The following ADARB2 variants were observed in gnomAD, a reference collection of about 807,000 sequenced individuals.
ADARB2 encodes the protein adenosine deaminase RNA specific B2 (inactive).
A neutral mutation model predicts 62.2 loss-of-function variants in ADARB2; 25 were observed. The ratio of observed to expected loss-of-function variants is 0.40; its 90% CI spans 0.29 to 0.56. The LOEUF is 0.56. Among genes scored for constraint, ADARB2 ranks in the 20% least tolerant of loss-of-function variants. The probability of loss-of-function intolerance (pLI) is 0.43; values close to 1 mark genes in which losing one functional copy is unlikely to be tolerated. For synonymous variants in ADARB2, 572 were observed against 500.8 expected (o/e 1.14, Z -1.90); for missense variants, 1,071 against 1,077.4 (o/e 0.99, Z 0.08).
intron 1 of ADARB2, chr10:1,556,888 G>C: frequency 5.8e-6 from 3 of 514,484 alleles, no homozygotes; most frequent in Non-Finnish European, 1.2e-5. Flanking sequence ...ACCTGAATGA[G>C]GCCTCTTTTG....
chr10:1,189,308 CT>C (rs2131736037), intron 8 of ADARB2, among the ~76,000 whole-genome samples: 1 of 152,166 alleles, frequency 6.6e-6, no homozygotes. Context: ...CATGCAGAGC[CT>C]TCTGGGAGCT....
intron 6 of ADARB2, among the ~76,000 whole-genome samples, chr10:1,224,988 G>C (rs1480031051): frequency 6.6e-6 from 1 of 152,140 alleles, no homozygotes; most frequent in Non-Finnish European, 1.5e-5. Flanking sequence ...TTTCTGTCTT[G>C]TTGATCTGTC....
intron 1 of ADARB2, among the ~76,000 whole-genome samples, chr10:1,472,925 C>T (rs184966964): frequency 2.4e-4 from 36 of 152,092 alleles, no homozygotes; most frequent in Middle Eastern, 6.8e-3. Flanking sequence ...TGGTCACAGC[C>T]GGCACCAGGA....
At chr10:1,430,933 C>T in intron 1 of ADARB2, among the ~76,000 whole-genome samples, 1 of 152,090 alleles carries the variant, frequency 6.6e-6, no homozygotes, top group East Asian at 1.9e-4. Flanking sequence ...AGTGACAGAC[C>T]TGAAATGAGA....
At chr10:1,625,891 T>TCACGCCTCTGCCTGACCGCCCCACTTCG (rs1833759698) in intron 1 of ADARB2, among the ~76,000 whole-genome samples, 1 of 152,214 alleles carries the variant, frequency 6.6e-6, no homozygotes, top group Admixed American at 6.5e-5. Flanking sequence ...GCCCCACTTC[T>TCACGCCTCTGCCTGACCGCCCCACTTCG]CACGCCTCTG....
At chr10:1,233,452 A>G (rs1036079131) in intron 6 of ADARB2, among the ~76,000 whole-genome samples, 4 of 152,194 alleles carry the variant, frequency 2.6e-5, no homozygotes, top group African/African-American at 9.7e-5. Context: ...AAAGCAGAGA[A>G]CTATGGCAAT....
intron 3 of ADARB2, among the ~76,000 whole-genome samples, chr10:1,316,858 G>A (rs557292148): frequency 6.6e-6 from 1 of 152,156 alleles, no homozygotes; most frequent in African/African-American, 2.4e-5. Context: ...TTGTTTTTCC[G>A]CGAATGAGTA....
Position 1,234,145 on chromosome 10 carries a change from C to T in ADARB2, c.1362-300G>A, listed in dbSNP as rs1356803638. Among the ~76,000 whole-genome samples, 5 of 150,128 alleles carry T rather than the reference C, an allele frequency of 3.3e-5. No homozygotes were observed. The South Asian group carries it at 6.4e-4, about 19-fold the overall frequency. ...CTGGGATTACAGGCATGCGCCACCA[C>T]GCCTAGTTCATTTTTGTATTTTTAG... On this transcript the variant is annotated intron_variant, in intron 5 of 9. Transcript: ENST00000381312.
intron 1 of ADARB2, among the ~76,000 whole-genome samples, chr10:1,626,629 A>T (rs1427222202): frequency 6.6e-6 from 1 of 152,166 alleles, no homozygotes; most frequent in East Asian, 1.9e-4. Flanking sequence ...GCCTGTCCTC[A>T]GTGATATTTC....
At chr10:1,514,592 G>T (rs1242935827) in intron 1 of ADARB2, among the ~76,000 whole-genome samples, 1 of 152,054 alleles carries the variant, frequency 6.6e-6, no homozygotes, top group Non-Finnish European at 1.5e-5. Flanking sequence ...CCTGCACAGC[G>T]GCCCCTGGCC....
chr10:1,655,698 C>T (rs956350511), intron 1 of ADARB2, among the ~76,000 whole-genome samples: 10 of 151,984 alleles, frequency 6.6e-5, no homozygotes, highest in Non-Finnish European at 1.3e-4. Context: ...ACTGGAAATG[C>T]CTTTTTATTA....
intron 1 of ADARB2, chr10:1,675,922 G>T: frequency 2.3e-6 from 2 of 871,046 alleles, no homozygotes; most frequent in Non-Finnish European, 2.8e-6. Flanking sequence ...GGTCCGCGTG[G>T]GTCAGAGTTG....
intron 1 of ADARB2, among the ~76,000 whole-genome samples, chr10:1,626,787 G>A (rs998361557): frequency 6.6e-6 from 1 of 152,138 alleles, no homozygotes; most frequent in African/African-American, 2.4e-5. Context: ...GAAGTGGCCC[G>A]ATTGTTACAT....
At chr10:1,264,428 C>T (rs116570515) in intron 4 of ADARB2, among the ~76,000 whole-genome samples, 1 of 152,186 alleles carries the variant, frequency 6.6e-6, no homozygotes, top group African/African-American at 2.4e-5. Flanking sequence ...TACACAGATG[C>T]TCTTTGTATG....
chr10:1,378,542 C>A (rs1832454271), intron 2 of ADARB2, among the ~76,000 whole-genome samples: 1 of 152,098 alleles, frequency 6.6e-6, no homozygotes, highest in East Asian at 1.9e-4. Flanking sequence ...GATGGGACTG[C>A]AGGTGCGGGT....
chr10:1,336,505 G>A (rs1305952739), intron 3 of ADARB2, among the ~76,000 whole-genome samples: 1 of 152,122 alleles, frequency 6.6e-6, no homozygotes, highest in Non-Finnish European at 1.5e-5. Flanking sequence ...TTACAGTTAG[G>A]CAGATCATCC....
intron 3 of ADARB2, among the ~76,000 whole-genome samples, chr10:1,356,087 G>A (rs1832192550): frequency 6.6e-6 from 1 of 152,092 alleles, no homozygotes; most frequent in Non-Finnish European, 1.5e-5. Context: ...TAATGACAAT[G>A]AGTGACCTCT....
intron 3 of ADARB2, among the ~76,000 whole-genome samples, chr10:1,349,904 C>A (rs894508730): frequency 6.6e-6 from 1 of 152,136 alleles, no homozygotes. Context: ...ATTGTGGGGA[C>A]GCCTGCCTTG....
chr10:1,390,642 G>A (rs1039038089), intron 1 of ADARB2, among the ~76,000 whole-genome samples: 6 of 152,228 alleles, frequency 3.9e-5, no homozygotes, highest in South Asian at 2.1e-4. Context: ...TTGGGTTTCC[G>A]TTTTCTTTTT....
Sources: allele counts gnomAD v4.1 joint callset (sites outside exome capture counted in the v4.1 genomes callset), GRCh38; gene constraint gnomAD v4.1.1; transcripts MANE v1.5; gene names NCBI Gene and HGNC (gene_info 2026-07-23, HGNC 2026-07-21).